DOCK4: variants seen among roughly 807,000 people sequenced by gnomAD.
DOCK4 encodes dedicator of cytokinesis protein 4.
In DOCK4, 97 loss-of-function variants were observed where a neutral mutation model predicts 268.1. The observed-to-expected ratio is 0.36, with a 90% CI of 0.31 to 0.43. The LOEUF is 0.43. Among genes scored for constraint, DOCK4 ranks in the 20% least tolerant of loss-of-function variants. DOCK4 has a pLI of 1.00. For synonymous variants in DOCK4, 954 were observed against 887.2 expected (o/e 1.08, Z -1.34); for missense variants, 2,145 against 2,455.7 (o/e 0.87, Z 2.67).
chr7:112,133,624 G>A (rs568622288), intron 1 of DOCK4, among the ~76,000 whole-genome samples: 8 of 152,238 alleles, frequency 5.3e-5, no homozygotes, highest in Admixed American at 3.3e-4. Context: ...GAGGGCTGAG[G>A]CAGGAAGATT....
intron 1 of DOCK4, among the ~76,000 whole-genome samples, chr7:112,032,514 G>C (rs896203994): frequency 2.6e-5 from 4 of 152,084 alleles, no homozygotes; most frequent in Admixed American, 2.6e-4. Flanking sequence ...TTTTTAAAAA[G>C]GGCCTTTTTG....
intron 19 of DOCK4, 34 bp downstream of exon 19, chr7:111,872,235 C>T (rs1188133550): frequency 2.1e-6 from 3 of 1,451,126 alleles, no homozygotes; most frequent in Admixed American, 2.3e-5. Context: ...AGAGACAAAA[C>T]AGTTAAAATA....
chr7:111,903,705 A>G (rs904941160), intron 13 of DOCK4, among the ~76,000 whole-genome samples: 1 of 152,242 alleles, frequency 6.6e-6, no homozygotes, highest in African/African-American at 2.4e-5. Context: ...AATGGTCTGC[A>G]CATGCTAGTT....
At chr7:112,171,906 T>G (rs1818117689) in intron 1 of DOCK4, among the ~76,000 whole-genome samples, 1 of 152,186 alleles carries the variant, frequency 6.6e-6, no homozygotes, top group African/African-American at 2.4e-5. Context: ...CTTCTTGCCT[T>G]GGCTTGCAGA....
intron 23 of DOCK4, among the ~76,000 whole-genome samples, chr7:111,847,802 T>G (rs1392422710): frequency 6.6e-6 from 1 of 152,222 alleles, no homozygotes; most frequent in East Asian, 1.9e-4. Flanking sequence ...CTTTATAACT[T>G]ACCCAGTCTT....
intron 1 of DOCK4, among the ~76,000 whole-genome samples, chr7:112,062,427 C>T (rs746817536): frequency 6.6e-6 from 1 of 152,160 alleles, no homozygotes; most frequent in Non-Finnish European, 1.5e-5. Context: ...TTTCTTAAAT[C>T]TTATATTCCA....
intron 13 of DOCK4, 77 bp downstream of exon 13, chr7:111,915,702 T>C (rs1792521821): frequency 2.6e-6 from 4 of 1,520,942 alleles, no homozygotes; most frequent in South Asian, 2.5e-5. Context: ...AAGCTGGCAA[T>C]TTGAAAAATT....
At chr7:112,178,217 GCTT>G (rs1333418755) in intron 1 of DOCK4, among the ~76,000 whole-genome samples, 1 of 152,212 alleles carries the variant, frequency 6.6e-6, no homozygotes, top group Non-Finnish European at 1.5e-5. Context: ...TCGTGTTCTT[GCTT>G]CAAGATTTAA....
At chr7:112,142,048 G>A (rs1814983300) in intron 1 of DOCK4, among the ~76,000 whole-genome samples, 1 of 152,172 alleles carries the variant, frequency 6.6e-6, no homozygotes, top group South Asian at 2.1e-4. Flanking sequence ...AATACACTGA[G>A]TCTAGGAGCC....
intron 41 of DOCK4, among the ~76,000 whole-genome samples, chr7:111,757,831 A>G (rs1797132750): frequency 6.6e-6 from 1 of 152,170 alleles, no homozygotes; most frequent in South Asian, 2.1e-4. Context: ...TGCTAAGCCA[A>G]TTAACTCACA....
At chr7:112,178,720 C>T (rs1021693173) in intron 1 of DOCK4, among the ~76,000 whole-genome samples, 2 of 152,294 alleles carry the variant, frequency 1.3e-5, no homozygotes, top group African/African-American at 2.4e-5. Context: ...TGGTTTTGCA[C>T]ACTTTTTAAA....
At chr7:111,811,716 A>C (rs1225998481) in intron 28 of DOCK4, among the ~76,000 whole-genome samples, 158 bp downstream of exon 28, 1 of 152,162 alleles carries the variant, frequency 6.6e-6, no homozygotes, top group Non-Finnish European at 1.5e-5. Context: ...TTTAAGCGCT[A>C]TGTGAACAGT....
At chr7:111,933,868 A>G (rs994484324) in intron 12 of DOCK4, among the ~76,000 whole-genome samples, 3 of 152,182 alleles carry the variant, frequency 2.0e-5, no homozygotes, top group African/African-American at 7.2e-5. Context: ...GCGTTGCCAC[A>G]TGTGTGAGTT....
intron 31 of DOCK4, 124 bp from the exon 32 acceptor site, chr7:111,788,871 C>G: frequency 1.2e-6 from 1 of 826,910 alleles, no homozygotes; most frequent in Non-Finnish European, 2.0e-6. Context: ...GTGACATTAT[C>G]AGCTACGGTT....
At chr7:111,997,565 C>G (rs1800070926) in intron 4 of DOCK4, among the ~76,000 whole-genome samples, 2 of 152,150 alleles carry the variant, frequency 1.3e-5, no homozygotes, top group African/African-American at 2.4e-5. Flanking sequence ...TTTGAATAGC[C>G]TCGTTGGAAC....
At chr7:111,984,438 A>G (rs1798887116) in intron 6 of DOCK4, 48 bp from the exon 7 acceptor site, 1 of 1,514,742 alleles carries the variant, frequency 6.6e-7, no homozygotes, top group African/African-American at 1.4e-5. Flanking sequence ...CCTCCATGAA[A>G]TATGTTAAAA....
intron 11 of DOCK4, 26 bp downstream of exon 11, chr7:111,940,084 G>A: frequency 6.2e-7 from 1 of 1,613,212 alleles, no homozygotes; most frequent in Non-Finnish European, 8.5e-7. Context: ...GCCTACCCCA[G>A]CCATCACCAC....
chr7:111,765,010 T>A (rs1797679761), intron 39 of DOCK4, 108 bp downstream of exon 39: 1 of 495,308 alleles, frequency 2.0e-6, no homozygotes. Flanking sequence ...AAAAAAAGTC[T>A]CATGCATATT....
rs774792111 is a variant in DOCK4, at chr7:111,735,155, G to A, written c.5318C>T (p.Thr1773Ile). The change falls in exon 51 of 53, where the codon ACC becomes ATC. Residue 1773 changes from threonine (T) to isoleucine (I), a missense_variant. Thr to Ile is a moderately conservative substitution (Grantham distance 89). This residue lies in a region of DOCK4 where 547 missense variants were observed against 469.0 expected (regional missense o/e 1.17). Transcript: ENST00000428084. ...LSAPEKAVNP[T>I]PSSWSLDSGK... is the part of the protein sequence containing the mutation. ...ACTGTCCAGGCTCCAGCTGCTAGGG[G>A]TGGGGTTCACAGCTGGAAGGGAATA... 2.5e-6 allele frequency: 4 copies of A among 1,588,586 alleles called. No homozygotes were observed. Among genetic ancestry groups the A allele is most frequent in the South Asian group, 1.2e-5 (1 of 86,748 alleles).
Sources: gnomAD v4.1 joint callset for allele counts (sites outside exome capture counted in the v4.1 genomes callset) on GRCh38, gnomAD v4.1.1 for gene constraint, gnomAD v4.1.1 regional missense constraint, MANE v1.5 for transcripts, NCBI Gene and HGNC (gene_info 2026-07-23, HGNC 2026-07-21) for gene names.